Variants in CDK10 observed in about 807,000 individuals in gnomAD.
CDK10 encodes the protein cyclin-dependent kinase 10.
In CDK10, 55 loss-of-function variants were observed where a neutral mutation model predicts 51.0. That is an observed-to-expected ratio of 1.08 (90% confidence interval 0.87 to 1.35). The LOEUF (loss-of-function observed/expected upper bound fraction) is 1.35, where lower values mean the gene tolerates loss of function less well. Among genes scored for constraint, CDK10 ranks in the 40% most tolerant of loss-of-function variants. CDK10 has a pLI of 0.00. For synonymous variants in CDK10, 255 were observed against 199.1 expected (o/e 1.28, Z -2.36); for missense variants, 589 against 485.1 (o/e 1.21, Z -2.01).
In CDK10 at chr16:89,695,944, C is replaced by A; in HGVS notation, c.*252C>A. On this transcript the variant is annotated 3_prime_UTR_variant, in exon 13 of 13. Transcript: ENST00000353379. ...GCAGGTCTGGCGGCTCCATCCGTGG[C>A]TGCAGGGGTCTCATGTGGTCCTCCT... is the stretch of plus-strand genomic sequence containing the variant. The A allele has an allele frequency of 1.5e-6, 1 of 687,626 alleles. No individual in the cohort carries two copies. Among genetic ancestry groups the A allele is most frequent in the East Asian group, 2.7e-5 (1 of 36,802 alleles). The allele number at this position is 687,626 out of a possible 1,614,324, so 42.6% of individuals were successfully genotyped here.
At chr16:89,689,127 G>A (rs532810155) in intron 1 of CDK10, 125 bp from the exon 2 acceptor site, 32 of 807,762 alleles carry the variant, frequency 4.0e-5, no homozygotes, top group Non-Finnish European at 6.5e-5. Flanking sequence ...GCCCAAACGT[G>A]TGGTTGCCTT....
Position 89,691,799 on chromosome 16 carries a change from C to A in CDK10, c.336-7C>A. 1 of 1,613,686 alleles carries A rather than the reference C, an allele frequency of 6.2e-7. No individual in the cohort carries two copies. Among genetic ancestry groups the A allele is most frequent in the Non-Finnish European group, 8.5e-7 (1 of 1,179,634 alleles). ...GGAGAGTGGCATGCATCTTCTGTTT[C>A]TTCCAGCATCTTCCTGGTGATGGGT... is the stretch of plus-strand genomic sequence containing the variant. On this transcript the variant is annotated splice_region_variant and splice_polypyrimidine_tract_variant and intron_variant, in intron 4 of 12. Coordinates refer to ENST00000353379, the MANE Select transcript of CDK10 (RefSeq NM_052988.5).
intron 9 of CDK10, 101 bp downstream of exon 9, chr16:89,694,333 G>A (rs1343145088): frequency 5.6e-6 from 7 of 1,254,158 alleles, no homozygotes; most frequent in Admixed American, 1.9e-5. Context: ...GGGCAGGAGT[G>A]CAGTGGGGTC....
chr16:89,688,871 C>A (rs1003096508), intron 1 of CDK10, among the ~76,000 whole-genome samples: 2 of 152,152 alleles, frequency 1.3e-5, no homozygotes, highest in Non-Finnish European at 2.9e-5. Flanking sequence ...GAGGCCAAGG[C>A]GGGCAGATCA....
Position 89,689,252 on chromosome 16 carries a change from C to T in CDK10, c.88C>T (p.Leu30=), listed in dbSNP as rs1473142012. 3 of 1,613,892 alleles carry T rather than the reference C, an allele frequency of 1.9e-6. No individual in the cohort carries two copies. In the African/African-American group the frequency reaches 4.0e-5, roughly 22 times the overall value. The part of the protein sequence containing the change: ...GFFTVPPEHR[L]GRCRSVKEFE... The stretch of plus-strand genomic sequence containing the variant: ...CACTGGCAACACCCTTCTGTTTCAG[C>T]TGGGACGATGCCGGAGTGTGAAGGA... Residue 30 remains leucine, a splice_region_variant and synonymous_variant, in exon 2 of 13, where the codon CTG becomes TTG. Coordinates refer to ENST00000353379, the MANE Select transcript of CDK10 (RefSeq NM_052988.5).
rs1360264973 is a variant in CDK10, at chr16:89,693,430, C to T, written c.571C>T (p.Pro191Ser). 8.7e-6 allele frequency: 14 copies of T among 1,614,052 alleles called. No homozygotes were observed. The highest frequency in any genetic ancestry group is 2.7e-5 in the African/African-American group (2 of 74,930). Residue 191 changes from proline to serine, a missense_variant, in exon 8 of 13, where the codon CCA becomes TCA. Transcript: ENST00000353379. ...CGGCCTGGCCCGGGCCTATGGTGTC[C>T]CAGTAAAGCCAATGACCCCCAAGGT... ...DFGLARAYGV[P>S]VKPMTPKVVT...
Position 89,691,463 on chromosome 16 carries a change from C to A in CDK10, c.253C>A (p.Arg85=), listed in dbSNP as rs144667632. 6.2e-7 allele frequency: 1 copy of A among 1,612,072 alleles called. No individual in the cohort carries two copies. Among genetic ancestry groups the A allele is most frequent in the Non-Finnish European group, 8.5e-7 (1 of 1,179,120 alleles). Residue 85 remains arginine, a synonymous_variant, in exon 4 of 13, where the codon CGG becomes AGG. Transcript: ENST00000353379. ...EKDGIPISSL[R]EITLLLRLRH... The stretch of plus-strand genomic sequence containing the variant: ...CCCAGGCATCCCCATCAGCAGCTTG[C>A]GGGAGATCACGCTGCTGCTCCGCCT...
intron 2 of CDK10, 183 bp from the exon 3 acceptor site, chr16:89,690,370 C>A: frequency 1.6e-6 from 1 of 615,626 alleles, no homozygotes; most frequent in Non-Finnish European, 2.9e-6. Flanking sequence ...TGAGGAAACC[C>A]TCCGGGGGAA....
At position 89,696,313 on chromosome 16, in the gene CDK10, C is replaced by T. The variant is rs557199458; in HGVS notation, c.*621C>T. The T allele has an allele frequency of 2.7e-4, 55 of 206,296 alleles. No individual in the cohort carries two copies. In the South Asian group the frequency reaches 5.1e-3, roughly 19 times the overall value. 12.8% of individuals were successfully genotyped at this position (206,296 alleles called of 1,614,324 possible). A position where few individuals can be genotyped will look rare whatever the true frequency, so the allele number is the denominator to read the frequency against. On this transcript the variant is annotated 3_prime_UTR_variant, in exon 13 of 13. Coordinates refer to ENST00000353379, the MANE Select transcript of CDK10 (RefSeq NM_052988.5). ...AGGAGGCCGTGGCTCTGATGCTGAG[C>T]GAAGCTATAGGCTCTTGTTGGATAA... is the stretch of plus-strand genomic sequence containing the variant.
intron 3 of CDK10, 97 bp from the exon 4 acceptor site, chr16:89,691,346 C>T (rs1377620447): frequency 4.8e-6 from 4 of 827,870 alleles, no homozygotes; most frequent in Admixed American, 2.6e-5. Context: ...CACTGCAGCA[C>T]CTGCTATCAG....
chr16:89,694,818 CGCCCGTGCCCACGCCCTCTGCGCCCGCA>C, intron 10 of CDK10, 30 bp downstream of exon 10: 1 of 1,203,458 alleles, frequency 8.3e-7, no homozygotes, highest in Non-Finnish European at 1.1e-6. Context: ...CCGCAGCCCC[CGCCCGTGCCCACGCCCTCTGCGCCCGCA>C]GCCCCCGCCC....
chr16:89,693,576 C>T lies in CDK10; in HGVS notation c.608+109C>T, dbSNP rs914680485. On this transcript the variant is annotated intron_variant, in intron 8 of 12. Transcript: ENST00000353379. The stretch of plus-strand genomic sequence containing the variant: ...AACTGGCCTTGGGAATGTTAAGCTA[C>T]AGGGTCTGTGCACACTCAGAAACGT... 3.6e-6 allele frequency: 4 copies of T among 1,101,222 alleles called. No individual in the cohort carries two copies. In the African/African-American group the frequency reaches 6.2e-5, roughly 17 times the overall value. 68.2% of individuals were successfully genotyped at this position (1,101,222 alleles called of 1,614,324 possible).
At chr16:89,692,204 G>C (rs1219352061) in intron 5 of CDK10, 2 of 553,634 alleles carry the variant, frequency 3.6e-6, no homozygotes, top group Non-Finnish European at 6.3e-6. Context: ...TGGGCGGAGA[G>C]CCTTCTGAGG....
chr16:89,686,745 G>A lies in CDK10; in HGVS notation c.35G>A (p.Arg12His). Reference sequence around the variant, plus strand: ...CCAGATCTGGAGTGCGAGCAGATCCGTCTGAAGTGTATTCGTAAGGAGGGC... The same window carrying A: ...CCAGATCTGGAGTGCGAGCAGATCCATCTGAAGTGTATTCGTAAGGAGGGC... ...AEPDLECEQI[R>H]LKCIRKEGFF... The change falls in exon 1 of 13, where the codon CGT becomes CAT. Residue 12 changes from arginine (R) to histidine (H), a missense_variant. Transcript: ENST00000353379. The A allele has an allele frequency of 6.2e-7, 1 of 1,612,104 alleles. No individual in the cohort carries two copies. The highest frequency in any genetic ancestry group is 8.5e-7 in the Non-Finnish European group (1 of 1,179,008).
intron 6 of CDK10, 49 bp from the exon 7 acceptor site, chr16:89,693,225 A>G (rs1395019429): frequency 1.9e-6 from 3 of 1,582,800 alleles, no homozygotes; most frequent in East Asian, 2.2e-5. Context: ...GGGAGCTCTC[A>G]GCCCCTGTGG....
At chr16:89,687,719 C>A (rs932292401) in intron 1 of CDK10, 2 of 393,140 alleles carry the variant, frequency 5.1e-6, no homozygotes, top group African/African-American at 2.1e-5. Context: ...TGAGCCACCG[C>A]CCCCAGCCTG....
intron 2 of CDK10, chr16:89,690,047 A>G: frequency 6.3e-6 from 1 of 158,446 alleles, no homozygotes. Flanking sequence ...CCTTGGCAAC[A>G]GAGTGAGACC....
At chr16:89,689,349 T>A (rs763892795) in intron 2 of CDK10, 25 bp downstream of exon 2, 1 of 1,603,732 alleles carries the variant, frequency 6.2e-7, no homozygotes, top group South Asian at 1.1e-5. Context: ...CTAGGACATG[T>A]GGCCGCAGCT....
intron 2 of CDK10, chr16:89,690,173 T>G (rs955049514): frequency 5.5e-5 from 12 of 219,066 alleles, no homozygotes; most frequent in African/African-American, 2.7e-4. Context: ...AGAGCCATCT[T>G]CACACAAAAT....
Sources: gnomAD v4.1 joint callset for allele counts (sites outside exome capture counted in the v4.1 genomes callset) on GRCh38, gnomAD v4.1.1 for gene constraint, MANE v1.5 for transcripts, NCBI Gene and HGNC (gene_info 2026-07-23, HGNC 2026-07-21) for gene names.